Variants in COL22A1 observed in about 807,000 individuals in gnomAD.
COL22A1 encodes collagen type XXII alpha 1 chain.
A neutral mutation model predicts 248.9 loss-of-function variants in COL22A1; 221 were observed. That is an observed-to-expected ratio of 0.89 (90% CI 0.80 to 0.99). The LOEUF (loss-of-function observed/expected upper bound fraction) is 0.99, where lower values mean the gene tolerates loss of function less well. Ranked by LOEUF, COL22A1 falls within the 50% of genes least tolerant of loss-of-function variation. The probability of loss-of-function intolerance (pLI) is 0.00; values close to 1 mark genes in which losing one functional copy is unlikely to be tolerated. For synonymous variants in COL22A1, 891 were observed against 793.4 expected (o/e 1.12, Z -2.07); for missense variants, 2,240 against 2,179.0 (o/e 1.03, Z -0.56).
At chr8:138,692,564 C>A (rs1255731926) in intron 35 of COL22A1, among the ~76,000 whole-genome samples, 1 of 151,090 alleles carries the variant, frequency 6.6e-6, no homozygotes, top group African/African-American at 2.4e-5. Context: ...AACTTGATGG[C>A]CGGGCAATGA....
chr8:138,792,563 GA>G (rs1189362528), intron 12 of COL22A1, among the ~76,000 whole-genome samples: 1 of 152,216 alleles, frequency 6.6e-6, no homozygotes, highest in Non-Finnish European at 1.5e-5. Flanking sequence ...CCTTCTAAGT[GA>G]AAGTACTGAG....
At chr8:138,640,041 G>A (rs989514299) in intron 47 of COL22A1, among the ~76,000 whole-genome samples, 9 of 152,188 alleles carry the variant, frequency 5.9e-5, no homozygotes, top group Non-Finnish European at 1.0e-4. Context: ...TTGACAACAC[G>A]TATGTGATAG....
At chr8:138,903,278 C>T (rs546307527) in intron 1 of COL22A1, among the ~76,000 whole-genome samples, 4 of 152,240 alleles carry the variant, frequency 2.6e-5, no homozygotes, top group East Asian at 1.9e-4. Flanking sequence ...ATGAAAGAGG[C>T]TGGATTCACA....
intron 1 of COL22A1, among the ~76,000 whole-genome samples, chr8:138,902,735 T>TACACACACAC (rs1275091313): frequency 4.6e-4 from 42 of 90,352 alleles, no homozygotes; most frequent in Admixed American, 8.1e-4. Context: ...AATATATATA[T>TACACACACAC]ATATACACAC....
chr8:138,782,308 C>T (rs1586732570), intron 12 of COL22A1, among the ~76,000 whole-genome samples: 1 of 152,282 alleles, frequency 6.6e-6, no homozygotes, highest in Middle Eastern at 3.4e-3. Context: ...GCCTTGACCT[C>T]CTCGGCTCAA....
intron 36 of COL22A1, among the ~76,000 whole-genome samples, chr8:138,689,652 T>C (rs1212553592): frequency 6.6e-6 from 1 of 152,108 alleles, no homozygotes; most frequent in Admixed American, 6.5e-5. Flanking sequence ...GAGGCGGAGC[T>C]TGCAGTGAGC....
chr8:138,762,251 C>T (rs1833548714), intron 17 of COL22A1, among the ~76,000 whole-genome samples, 162 bp downstream of exon 17: 1 of 152,196 alleles, frequency 6.6e-6, no homozygotes, highest in African/African-American at 2.4e-5. Context: ...AGTCAACCTA[C>T]AGCCACACAG....
In COL22A1 at chr8:138,737,545, G is replaced by T. The variant is rs1444439203; in HGVS notation, c.2118C>A (p.Ile706=). 1.9e-6 allele frequency: 3 copies of T among 1,611,640 alleles called. No homozygotes were observed. The highest frequency in any genetic ancestry group is 2.7e-5 in the African/African-American group (2 of 74,870). The stretch of plus-strand genomic sequence containing the variant: ...TTACCTGCAGCCCCAGCAATCCAGG[G>T]ATTCCAGGTGGTCCCATGTCACCTT... ...GKKGDMGPPG[I]PGLLGLQGPP... The change falls in exon 23 of 65, where the codon ATC becomes ATA. Residue 706 remains isoleucine (I), a synonymous_variant. Coordinates refer to ENST00000303045, the MANE Select transcript of COL22A1 (RefSeq NM_152888.3).
At chr8:138,742,532 ATGG>A (rs1343732304) in intron 22 of COL22A1, among the ~76,000 whole-genome samples, 1 of 150,060 alleles carries the variant, frequency 6.7e-6, no homozygotes, top group Admixed American at 6.6e-5. Context: ...AGTGATTGTG[ATGG>A]TGGAGTTGAT....
chr8:138,694,157 CT>C (rs1176752428), intron 34 of COL22A1, among the ~76,000 whole-genome samples: 1 of 152,224 alleles, frequency 6.6e-6, no homozygotes, highest in Non-Finnish European at 1.5e-5. Flanking sequence ...ATTTCCTGTT[CT>C]GCAAATCCTC....
chr8:138,790,773 C>T (rs1412548517), intron 12 of COL22A1, among the ~76,000 whole-genome samples: 1 of 152,196 alleles, frequency 6.6e-6, no homozygotes, highest in Non-Finnish European at 1.5e-5. Context: ...AGAAGCACGA[C>T]TGAGTAGGAA....
chr8:138,669,805 A>T (rs1210451133), intron 41 of COL22A1, among the ~76,000 whole-genome samples: 1 of 152,040 alleles, frequency 6.6e-6, no homozygotes, highest in Non-Finnish European at 1.5e-5. Context: ...TTTAGAAAGG[A>T]GAGTTTCCAA....
At chr8:138,740,293 C>A (rs7835533) in intron 22 of COL22A1, among the ~76,000 whole-genome samples, 1 of 152,016 alleles carries the variant, frequency 6.6e-6, no homozygotes, top group Non-Finnish European at 1.5e-5. Flanking sequence ...AAGGAGAGAT[C>A]GGAATATCTA....
At chr8:138,890,226 A>T (rs921048763) in intron 1 of COL22A1, among the ~76,000 whole-genome samples, 6 of 152,158 alleles carry the variant, frequency 3.9e-5, no homozygotes, top group African/African-American at 1.2e-4. Flanking sequence ...CTATAAAAAA[A>T]CTTCCTCAGG....
chr8:138,757,983 G>T (rs187349058), intron 18 of COL22A1, among the ~76,000 whole-genome samples: 1 of 152,202 alleles, frequency 6.6e-6, no homozygotes, highest in African/African-American at 2.4e-5. Flanking sequence ...AACAGCAGAC[G>T]TGCTGGGAGG....
intron 12 of COL22A1, among the ~76,000 whole-genome samples, chr8:138,782,387 T>G (rs1815092177): frequency 6.6e-6 from 1 of 152,218 alleles, no homozygotes; most frequent in Admixed American, 6.5e-5. Flanking sequence ...CTGGCGAATT[T>G]TTGTATTTTT....
At chr8:138,703,446 A>C (rs1428531569) in intron 30 of COL22A1, 99 bp from the exon 31 acceptor site, 4 of 1,150,322 alleles carry the variant, frequency 3.5e-6, no homozygotes, top group East Asian at 4.7e-5. Flanking sequence ...AGACAACAGA[A>C]GGTGTTGTCT....
chr8:138,672,123 G>A (rs1314827677), intron 41 of COL22A1, among the ~76,000 whole-genome samples: 1 of 152,182 alleles, frequency 6.6e-6, no homozygotes, highest in Non-Finnish European at 1.5e-5. Context: ...GCATTTGCTT[G>A]GAGTTAGAAT....
intron 30 of COL22A1, among the ~76,000 whole-genome samples, chr8:138,713,245 G>T (rs190594717): frequency 7.9e-5 from 12 of 151,158 alleles, no homozygotes; most frequent in East Asian, 2.0e-4. Flanking sequence ...TGGATGGGGT[G>T]GGGGGGCGGT....
Sources: allele counts gnomAD v4.1 joint callset (sites outside exome capture counted in the v4.1 genomes callset), GRCh38; gene constraint gnomAD v4.1.1; transcripts MANE v1.5; gene names NCBI Gene and HGNC (gene_info 2026-07-23, HGNC 2026-07-21).